The following RFX3 variants were observed in gnomAD, a reference collection of about 807,000 sequenced individuals.
RFX3 encodes the protein regulatory factor X3.
RFX3 carries 14 observed loss-of-function variants against 98.6 expected under a neutral mutation model. The ratio of observed to expected loss-of-function variants is 0.14; its 90% CI spans 0.09 to 0.22. The LOEUF (loss-of-function observed/expected upper bound fraction) is 0.22. Among genes scored for constraint, RFX3 ranks in the 10% least tolerant of loss-of-function variants. The pLI is 1.00. For missense variants in RFX3, 639 were observed against 926.9 expected (o/e 0.69, Z 4.03); for synonymous variants, 383 against 328.4 (o/e 1.17, Z -1.80).
chr9:3,390,329 G>A (rs1004036193), intron 2 of RFX3, among the ~76,000 whole-genome samples: 9 of 152,142 alleles, frequency 5.9e-5, no homozygotes, highest in African/African-American at 2.2e-4. Context: ...GAAGTGAACT[G>A]GATAACAGGC....
intron 4 of RFX3, among the ~76,000 whole-genome samples, chr9:3,315,515 A>G (rs1040226971): frequency 2.0e-5 from 3 of 152,182 alleles, no homozygotes; most frequent in Non-Finnish European, 4.4e-5. Flanking sequence ...GCAAGAAATA[A>G]CTAAGATCAG....
chr9:3,504,973 T>TAATATATATTATATCA (rs1816766061), intron 1 of RFX3, among the ~76,000 whole-genome samples: 1 of 78,820 alleles, frequency 1.3e-5, no homozygotes, highest in African/African-American at 5.3e-5. Flanking sequence ...ATAATATATA[T>TAATATATATTATATCA]TATATAATAT....
At chr9:3,313,984 G>T (rs7860020) in intron 4 of RFX3, among the ~76,000 whole-genome samples, 18,928 of 152,088 alleles carry the variant, frequency 0.12, 1,238 homozygotes, top group Middle Eastern at 0.2. Flanking sequence ...CCAATTGAAC[G>T]AGGCAGGCCA....
chr9:3,321,135 C>G (rs1456791993), intron 4 of RFX3, among the ~76,000 whole-genome samples: 2 of 151,978 alleles, frequency 1.3e-5, no homozygotes, highest in Non-Finnish European at 2.9e-5. Flanking sequence ...AACTCCTGAC[C>G]TCAGGTGATC....
intron 8 of RFX3, 39 bp from the exon 9 acceptor site, chr9:3,275,651 G>C (rs192022363): frequency 7.8e-7 from 1 of 1,288,442 alleles, no homozygotes; most frequent in East Asian, 2.3e-5. Context: ...AGCTATTGTG[G>C]ATGGTGCCAA....
Position 3,228,863 on chromosome 9 carries a change from A to G in RFX3, c.1995T>C (p.Pro665=). 1 of 1,610,574 alleles carries G rather than the reference A, an allele frequency of 6.2e-7. No individual in the cohort carries two copies. Residue 665 remains proline (P), a synonymous_variant, in exon 16 of 17, where the codon CCT becomes CCC. Transcript: ENST00000617270. The part of the protein sequence containing the change: ...GEFGDLNAVS[P]GNLDKDEGSE... The stretch of plus-strand genomic sequence containing the variant: ...GATTCTTACCTTTATCCAGATTTCC[A>G]GGAGACACGGCATTTAAATCACCAA...
At chr9:3,273,921 A>G (rs1409068255) in intron 9 of RFX3, among the ~76,000 whole-genome samples, 1 of 152,088 alleles carries the variant, frequency 6.6e-6, no homozygotes, top group Non-Finnish European at 1.5e-5. Context: ...GGTTCACTTG[A>G]ACACATGGGA....
At chr9:3,490,295 A>G (rs951848376) in intron 1 of RFX3, 12 of 981,272 alleles carry the variant, frequency 1.2e-5, no homozygotes, top group Non-Finnish European at 1.5e-5. Flanking sequence ...TTCCTTCCAG[A>G]GCCAAACTCA....
intron 8 of RFX3, among the ~76,000 whole-genome samples, chr9:3,275,880 C>T (rs956668475): frequency 6.6e-6 from 1 of 152,016 alleles, no homozygotes; most frequent in Non-Finnish European, 1.5e-5. Flanking sequence ...CTGCATATCA[C>T]AGTGTCTCTC....
intron 2 of RFX3, chr9:3,394,865 A>G (rs1487177282): frequency 1.0e-6 from 1 of 984,764 alleles, no homozygotes; most frequent in African/African-American, 1.7e-5. Flanking sequence ...ATCTTTCCAA[A>G]CAAGCCAACT....
chr9:3,505,966 T>G (rs1401961672), intron 1 of RFX3, among the ~76,000 whole-genome samples: 1 of 151,918 alleles, frequency 6.6e-6, no homozygotes, highest in Non-Finnish European at 1.5e-5. Flanking sequence ...AGTTCACTTC[T>G]TGGCCCCTAC....
chr9:3,265,217 T>A (rs1407829393), intron 12 of RFX3, among the ~76,000 whole-genome samples: 1 of 152,212 alleles, frequency 6.6e-6, no homozygotes, highest in African/African-American at 2.4e-5. Context: ...TTTTTTCATT[T>A]CACTTAATTT....
At chr9:3,279,223 G>A (rs563203661) in intron 7 of RFX3, among the ~76,000 whole-genome samples, 2 of 151,764 alleles carry the variant, frequency 1.3e-5, no homozygotes, top group South Asian at 2.1e-4. Flanking sequence ...ATTTTGTTCA[G>A]GAAAGTTTCT....
chr9:3,307,328 T>C (rs902901991), intron 4 of RFX3, among the ~76,000 whole-genome samples: 3 of 152,126 alleles, frequency 2.0e-5, no homozygotes, highest in Admixed American at 6.6e-5. Flanking sequence ...TGTTCAATTA[T>C]ATAGGATGTG....
At chr9:3,250,568 G>A (rs1821249742) in intron 14 of RFX3, among the ~76,000 whole-genome samples, 1 of 151,930 alleles carries the variant, frequency 6.6e-6, no homozygotes, top group African/African-American at 2.4e-5. Flanking sequence ...AATTTAAAAG[G>A]TCAAAACCTT....
chr9:3,228,907 T>C lies in RFX3; in HGVS notation c.1969-18A>G. 6.2e-7 allele frequency: 1 copy of C among 1,607,690 alleles called. No individual in the cohort carries two copies. On this transcript the variant is annotated intron_variant, in intron 15 of 16. Transcript: ENST00000617270. ...TCACCAAACTGCAAAACAATAGTCA[T>C]TTGTGCAATAGTTAATATAGGGCAG...
chr9:3,523,476 T>C (rs1272169738), intron 1 of RFX3, among the ~76,000 whole-genome samples: 1 of 152,158 alleles, frequency 6.6e-6, no homozygotes. Flanking sequence ...AGTAATGAAA[T>C]TCAATTTAAG....
At chr9:3,388,836 C>T (rs1317865607) in intron 2 of RFX3, among the ~76,000 whole-genome samples, 1 of 152,054 alleles carries the variant, frequency 6.6e-6, no homozygotes, top group Admixed American at 6.6e-5. Context: ...AACCCCAGGG[C>T]TCCACTATAC....
At chr9:3,379,492 C>T (rs1429432496) in intron 2 of RFX3, among the ~76,000 whole-genome samples, 1 of 151,942 alleles carries the variant, frequency 6.6e-6, no homozygotes, top group Non-Finnish European at 1.5e-5. Flanking sequence ...TCTCTTTCTC[C>T]TCATTAGTGC....
Sources: allele counts gnomAD v4.1 joint callset (sites outside exome capture counted in the v4.1 genomes callset), GRCh38; gene constraint gnomAD v4.1.1; transcripts MANE v1.5; gene names NCBI Gene and HGNC (gene_info 2026-07-23, HGNC 2026-07-21).